The following GNAT1 variants were observed in gnomAD, a reference collection of about 807,000 sequenced individuals.
GNAT1 encodes G protein subunit alpha transducin 1, also known as guanine nucleotide-binding protein G(t) subunit alpha-1.
GNAT1 carries 36 observed loss-of-function variants against 40.0 expected under a neutral mutation model. The ratio of observed to expected loss-of-function variants is 0.90; its 90% CI spans 0.69 to 1.19. The LOEUF is 1.19. Ranked by LOEUF, GNAT1 falls within the 50% of genes most tolerant of loss-of-function variation. The pLI, the probability that GNAT1 is intolerant of heterozygous loss-of-function variation, is 0.00. For missense variants in GNAT1, 413 were observed against 480.6 expected (o/e 0.86, Z 1.32); for synonymous variants, 195 against 192.9 (o/e 1.01, Z -0.09).
chr3:50,194,238 G>A lies in GNAT1; in HGVS notation c.708+17G>A, dbSNP rs778828764. 2 of 1,596,914 alleles carry A rather than the reference G, an allele frequency of 1.3e-6. No homozygotes were observed. Among genetic ancestry groups the A allele is most frequent in the Admixed American group, 1.8e-5 (1 of 56,606 alleles). On this transcript the variant is annotated intron_variant, in intron 6 of 8. Transcript: ENST00000232461. This position sits in a 1 kb window ranked among gnomAD's most constrained non-coding sequence, Gnocchi z 6.1. ...GACGAAGTGGTGCGTGCCAGGCAGGGCCTGTGTTCCAGGGGGGCGAGGAGG... is the reference window on the plus strand; with the variant it reads ...GACGAAGTGGTGCGTGCCAGGCAGGACCTGTGTTCCAGGGGGGCGAGGAGG...
rs1266812415 is a variant in GNAT1, at chr3:50,191,732, G to A, written c.7G>A (p.Ala3Thr). ...TTCGCCTGCTGCTGGGACCATGGGG[G>A]CTGGGGCCAGTGCTGAGGAGAAGCA... MG[A>T]GASAEEKHSR... The change falls in exon 1 of 9, where the codon GCT (alanine) becomes ACT (threonine). Residue 3 changes from alanine to threonine, a missense_variant. Ala to Thr is a moderately conservative substitution (Grantham distance 58). Coordinates refer to ENST00000232461, the MANE Select transcript of GNAT1 (RefSeq NM_144499.3). 1.2e-6 allele frequency: 2 copies of A among 1,611,784 alleles called. No homozygotes were observed. The highest frequency in any genetic ancestry group is 1.7e-6 in the Non-Finnish European group (2 of 1,177,894).
Position 50,193,835 on chromosome 3 carries a change from A to T in GNAT1, c.532A>T (p.Thr178Ser), listed in dbSNP as rs1243899846. 6.2e-7 allele frequency: 1 copy of T among 1,613,150 alleles called. No individual in the cohort carries two copies. The highest frequency in any genetic ancestry group is 2.2e-5 in the East Asian group (1 of 44,864). The change falls in exon 5 of 9, where the codon ACT (threonine) becomes TCT (serine). Residue 178 changes from threonine to serine, a missense_variant. Transcript: ENST00000232461. This position sits in a 1 kb window ranked among gnomAD's most constrained non-coding sequence, Gnocchi z 8.1. ...QDVLRSRVKT[T>S]GIIETQFSFK... ...CGTGCTGCGCTCGCGAGTCAAGACC[A>T]CTGGCATCATCGAGACGCAGTTCTC... is the stretch of plus-strand genomic sequence containing the variant.
rs1699464306 is a variant in GNAT1 at position 50,194,074 on chromosome 3, G to A, written c.579-18G>A. On this transcript the variant is annotated intron_variant, in intron 5 of 8. Coordinates refer to ENST00000232461, the MANE Select transcript of GNAT1 (RefSeq NM_144499.3). The surrounding 1 kb of genome is among the most constrained non-coding windows in gnomAD (Gnocchi z 6.1). ...TGTGGGGCCCGGGGCGCAGGTTCAG[G>A]CCCCCGCGGCCCCGCAGGATGTTCG... The A allele has an allele frequency of 6.2e-7, 1 of 1,612,520 alleles. No individual in the cohort carries two copies. The highest frequency in any genetic ancestry group is 1.7e-5 in the Admixed American group (1 of 59,940).
In GNAT1 at chr3:50,195,441, A is replaced by C; in HGVS notation, c.*175A>C. ...GCGCGGACCCTCCCCCATACCTCCC[A>C]CAGTATCCCAGCGCCTCATGCCCCC... On this transcript the variant is annotated 3_prime_UTR_variant, in exon 9 of 9. Transcript: ENST00000232461. The C allele has an allele frequency of 5.0e-6, 1 of 201,276 alleles. No individual in the cohort carries two copies. The highest frequency in any genetic ancestry group is 1.0e-5 in the Non-Finnish European group (1 of 96,366). The allele number at this position is 201,276 out of a possible 1,614,324, so 12.5% of individuals were successfully genotyped here. A position where few individuals can be genotyped will look rare whatever the true frequency, so the allele number is the denominator to read the frequency against.
At position 50,196,200 on chromosome 3, in the gene GNAT1, G is replaced by A. The variant is rs942836441; in HGVS notation, c.*934G>A. 3 of 152,288 alleles carry A rather than the reference G, an allele frequency of 2.0e-5. No individual in the cohort carries two copies. Among genetic ancestry groups the A allele is most frequent in the African/African-American group, 7.2e-5 (3 of 41,454 alleles). The allele number at this position is 152,288 out of a possible 1,614,324, so 9.4% of individuals were successfully genotyped here. A position where few individuals can be genotyped will look rare whatever the true frequency, so the allele number is the denominator to read the frequency against. ...ACAAAGGCCCTGGCTGTGCCCAAAA[G>A]GGTCTACCTCAGGTGGGGTTACAAG... On this transcript the variant is annotated 3_prime_UTR_variant, in exon 9 of 9. Coordinates refer to ENST00000232461, the MANE Select transcript of GNAT1 (RefSeq NM_144499.3).
chr3:50,194,602 C>A lies in GNAT1; in HGVS notation c.810C>A (p.Phe270Leu). The change falls in exon 7 of 9, where the codon TTC becomes TTA. Residue 270 changes from phenylalanine to leucine, a missense_variant. Transcript: ENST00000232461. The surrounding 1 kb of genome is among the most constrained non-coding windows in gnomAD (Gnocchi z 6.1). ...TCTTCCTTAACAAGAAGGACGTCTT[C>A]TTCGAGAAGATCAAGAAGGCGCACC... ...IVLFLNKKDV[F>L]FEKIKKAHLS... 4.3e-6 allele frequency: 7 copies of A among 1,613,730 alleles called. No homozygotes were observed. Among genetic ancestry groups the A allele is most frequent in the Non-Finnish European group, 5.9e-6 (7 of 1,179,746 alleles).
chr3:50,194,247 C>T lies in GNAT1; in HGVS notation c.708+26C>T, dbSNP rs1699467462. Reference sequence around the variant, plus strand: ...GTGCGTGCCAGGCAGGGCCTGTGTTCCAGGGGGGCGAGGAGGAGCTGCTGG... The same window carrying T: ...GTGCGTGCCAGGCAGGGCCTGTGTTTCAGGGGGGCGAGGAGGAGCTGCTGG... On this transcript the variant is annotated intron_variant, in intron 6 of 8. Coordinates refer to ENST00000232461, the MANE Select transcript of GNAT1 (RefSeq NM_144499.3). This position sits in a 1 kb window ranked among gnomAD's most constrained non-coding sequence, Gnocchi z 6.1. 4 of 1,588,318 alleles carry T rather than the reference C, an allele frequency of 2.5e-6. No homozygotes were observed. In the African/African-American group the frequency reaches 5.4e-5, roughly 21 times the overall value.
At position 50,193,366 on chromosome 3, in the gene GNAT1, T is replaced by C; in HGVS notation, c.251T>C (p.Met84Thr). 6.2e-7 allele frequency: 1 copy of C among 1,614,112 alleles called. No homozygotes were observed. The highest frequency in any genetic ancestry group is 1.1e-5 in the South Asian group (1 of 91,088). Residue 84 changes from methionine (M) to threonine (T), a missense_variant, in exon 3 of 9, where the codon ATG (methionine) becomes ACG (threonine). Physicochemically the swap from Met to Thr is moderately conservative, Grantham distance 81. Coordinates refer to ENST00000232461, the MANE Select transcript of GNAT1 (RefSeq NM_144499.3). This position sits in a 1 kb window ranked among gnomAD's most constrained non-coding sequence, Gnocchi z 8.1. ...TCCATCCTGGCCATCGTACGCGCCA[T>C]GACCACACTCAACATCCAGTACGGA... ...LQSILAIVRA[M>T]TTLNIQYGDS...
At position 50,194,086 on chromosome 3, in the gene GNAT1, C is replaced by T. The variant is rs1240177062; in HGVS notation, c.579-6C>T. ...GGCGCAGGTTCAGGCCCCCGCGGCC[C>T]CGCAGGATGTTCGATGTGGGCGGGC... On this transcript the variant is annotated splice_polypyrimidine_tract_variant and splice_region_variant and intron_variant, in intron 5 of 8. Coordinates refer to ENST00000232461, the MANE Select transcript of GNAT1 (RefSeq NM_144499.3). This position sits in a 1 kb window ranked among gnomAD's most constrained non-coding sequence, Gnocchi z 6.1. 2 of 1,613,180 alleles carry T rather than the reference C, an allele frequency of 1.2e-6. No homozygotes were observed. The highest frequency in any genetic ancestry group is 1.3e-5 in the African/African-American group (1 of 74,926).
Position 50,194,424 on chromosome 3 carries a change from C to G in GNAT1, c.709-77C>G. On this transcript the variant is annotated intron_variant, in intron 6 of 8. Coordinates refer to ENST00000232461, the MANE Select transcript of GNAT1 (RefSeq NM_144499.3). This position sits in a 1 kb window ranked among gnomAD's most constrained non-coding sequence, Gnocchi z 6.1. ...AGAGCCAGCTGAGCGGGAAGCCCCG[C>G]GTGCCCGGGAGCCCAGAGAGCAGGT... 3 of 1,526,744 alleles carry G rather than the reference C, an allele frequency of 2.0e-6. No individual in the cohort carries two copies. Among genetic ancestry groups the G allele is most frequent in the Non-Finnish European group, 2.7e-6 (3 of 1,113,808 alleles). 94.6% of individuals were successfully genotyped at this position (1,526,744 alleles called of 1,614,324 possible).
Position 50,194,622 on chromosome 3 carries a change from C to CGGTGGG in GNAT1, c.831_832insGTGGGG (p.Ala277_His278insValGly). ...GTCTTCTTCGAGAAGATCAAGAAGG[C>CGGTGGG]GCACCTCAGCATCTGTTTCCCGGAC... is the stretch of plus-strand genomic sequence containing the variant. On this transcript the variant is annotated inframe_insertion, in exon 7 of 9. Transcript: ENST00000232461. This position sits in a 1 kb window ranked among gnomAD's most constrained non-coding sequence, Gnocchi z 6.1. 1.2e-6 allele frequency: 2 copies of CGGTGGG among 1,613,492 alleles called. No individual in the cohort carries two copies. Among genetic ancestry groups the CGGTGGG allele is most frequent in the Non-Finnish European group, 8.5e-7 (1 of 1,179,720 alleles).
intron 1 of GNAT1, chr3:50,192,669 A>C: frequency 3.7e-6 from 1 of 267,190 alleles, no homozygotes; most frequent in Non-Finnish European, 7.4e-6. Context: ...CCTCCCTCCT[A>C]CCCAAAAGAG....
rs2109138586 is a variant in GNAT1, at chr3:50,193,418, G to A, written c.291+12G>A. On this transcript the variant is annotated intron_variant, in intron 3 of 8. Transcript: ENST00000232461. The surrounding 1 kb of genome is among the most constrained non-coding windows in gnomAD (Gnocchi z 8.1). ...ACTCTGCACGCCAGGTGTGCCAGGA[G>A]GCGGGCTGAGCGGGCCTCTGGGGAC... 6.2e-7 allele frequency: 1 copy of A among 1,613,822 alleles called. No homozygotes were observed. Among genetic ancestry groups the A allele is most frequent in the African/African-American group, 1.3e-5 (1 of 75,058 alleles).
In GNAT1 at chr3:50,194,705, C is replaced by G. The variant is rs767320210; in HGVS notation, c.862+51C>G. 6.2e-7 allele frequency: 1 copy of G among 1,608,224 alleles called. No homozygotes were observed. Among genetic ancestry groups the G allele is most frequent in the Admixed American group, 1.7e-5 (1 of 59,970 alleles). ...CGGCGCCCCCGCCCCACGATCGCGG[C>G]GCGCACCCCCCGCACGGGGAAGGAA... On this transcript the variant is annotated intron_variant, in intron 7 of 8. Coordinates refer to ENST00000232461, the MANE Select transcript of GNAT1 (RefSeq NM_144499.3). The surrounding 1 kb of genome is among the most constrained non-coding windows in gnomAD (Gnocchi z 6.1).
chr3:50,194,312 C>A lies in GNAT1; in HGVS notation c.708+91C>A. 1 of 1,468,564 alleles carries A rather than the reference C, an allele frequency of 6.8e-7. No individual in the cohort carries two copies. The highest frequency in any genetic ancestry group is 9.3e-7 in the Non-Finnish European group (1 of 1,077,506). 91.0% of individuals were successfully genotyped at this position (1,468,564 alleles called of 1,614,324 possible). A position where few individuals can be genotyped will look rare whatever the true frequency, so the allele number is the denominator to read the frequency against. Reference sequence around the variant, plus strand: ...GACCGCGCGCTGGGCTGGGGGAGGGCACGGGAGGGGATGCCTGTCCCGGGC... The same window carrying A: ...GACCGCGCGCTGGGCTGGGGGAGGGAACGGGAGGGGATGCCTGTCCCGGGC... On this transcript the variant is annotated intron_variant, in intron 6 of 8. Coordinates refer to ENST00000232461, the MANE Select transcript of GNAT1 (RefSeq NM_144499.3). This position sits in a 1 kb window ranked among gnomAD's most constrained non-coding sequence, Gnocchi z 6.1.
rs766839409 is a variant in GNAT1 at position 50,194,087 on chromosome 3, C to G, written c.579-5C>G. 13 of 1,613,104 alleles carry G rather than the reference C, an allele frequency of 8.1e-6. No individual in the cohort carries two copies. The highest frequency in any genetic ancestry group is 2.2e-5 in the East Asian group (1 of 44,860). ...GCGCAGGTTCAGGCCCCCGCGGCCC[C>G]GCAGGATGTTCGATGTGGGCGGGCA... On this transcript the variant is annotated splice_polypyrimidine_tract_variant and splice_region_variant and intron_variant, in intron 5 of 8. Coordinates refer to ENST00000232461, the MANE Select transcript of GNAT1 (RefSeq NM_144499.3). The surrounding 1 kb of genome is among the most constrained non-coding windows in gnomAD (Gnocchi z 6.1).
Position 50,193,678 on chromosome 3 carries a change from A to AGCGCGGGGCGCGGG in GNAT1, c.449+27_449+40dup, listed in dbSNP as rs753386105. On this transcript the variant is annotated intron_variant, in intron 4 of 8. Transcript: ENST00000232461. The surrounding 1 kb of genome is among the most constrained non-coding windows in gnomAD (Gnocchi z 8.1). ...TCGGCGGGCTAGTGAGCGCGCGGGC[A>AGCGCGGGGCGCGGG]GCGCGGGGCGCGGGGCGCGGGGCGC... 2 of 1,609,274 alleles carry AGCGCGGGGCGCGGG rather than the reference A, an allele frequency of 1.2e-6. No individual in the cohort carries two copies. Among genetic ancestry groups the AGCGCGGGGCGCGGG allele is most frequent in the Non-Finnish European group, 1.7e-6 (2 of 1,178,460 alleles).
In GNAT1 at chr3:50,193,403, C is replaced by T; in HGVS notation, c.288C>T (p.Arg96=). The change falls in exon 3 of 9, where the codon CGC becomes CGT. Residue 96 remains arginine (R), a synonymous_variant. Coordinates refer to ENST00000232461, the MANE Select transcript of GNAT1 (RefSeq NM_144499.3). This position sits in a 1 kb window ranked among gnomAD's most constrained non-coding sequence, Gnocchi z 8.1. ...ACATCCAGTACGGAGACTCTGCACG[C>T]CAGGTGTGCCAGGAGGCGGGCTGAG... is the stretch of plus-strand genomic sequence containing the variant. ...TLNIQYGDSA[R]QDDARKLMHM... is the part of the protein sequence containing the mutation. 1 of 1,613,866 alleles carries T rather than the reference C, an allele frequency of 6.2e-7. No individual in the cohort carries two copies. The highest frequency in any genetic ancestry group is 2.2e-5 in the East Asian group (1 of 44,888).
In GNAT1 at chr3:50,193,629, G is replaced by C. The variant is rs758039880; in HGVS notation, c.415G>C (p.Ala139Pro). The change falls in exon 4 of 9, where the codon GCC (alanine) becomes CCC (proline). Residue 139 changes from alanine to proline, a missense_variant. Physicochemically the swap from Ala to Pro is conservative, Grantham distance 27. Transcript: ENST00000232461. The surrounding 1 kb of genome is among the most constrained non-coding windows in gnomAD (Gnocchi z 8.1). ...CGGTATCCAGGCCTGTTTTGAGCGCGCCTCGGAGTACCAGCTCAACGACTC... is the reference window on the plus strand; with the variant it reads ...CGGTATCCAGGCCTGTTTTGAGCGCCCCTCGGAGTACCAGCTCAACGACTC... Reference protein sequence around the residue: ...DSGIQACFERASEYQLNDSAG... With the variant: ...DSGIQACFERPSEYQLNDSAG... The C allele has an allele frequency of 6.2e-7, 1 of 1,612,320 alleles. No individual in the cohort carries two copies. Among genetic ancestry groups the C allele is most frequent in the Non-Finnish European group, 8.5e-7 (1 of 1,179,842 alleles).
Sources: gnomAD v4.1 joint callset for allele counts on GRCh38, gnomAD v4.1.1 for gene constraint, Gnocchi (gnomAD v3.1) non-coding constraint, MANE v1.5 for transcripts, NCBI Gene and HGNC (gene_info 2026-07-23, HGNC 2026-07-21) for gene names.